HOXA3: variants seen among roughly 807,000 people sequenced by gnomAD.
HOXA3 encodes homeobox A3.
In HOXA3, 8 loss-of-function variants were observed where a neutral mutation model predicts 30.3. The ratio of observed to expected loss-of-function variants is 0.26; its 90% confidence interval spans 0.15 to 0.48. The LOEUF (loss-of-function observed/expected upper bound fraction) is 0.48, where lower values mean the gene tolerates loss of function less well. HOXA3 is among the 20% of genes least tolerant of loss of function. HOXA3 has a pLI of 0.99. For missense variants in HOXA3, 653 were observed against 614.4 expected (o/e 1.06, Z -0.66); for synonymous variants, 323 against 273.1 (o/e 1.18, Z -1.80).
rs900457862 is a variant in HOXA3 at position 27,113,865 on chromosome 7, C to G, written c.-120-3105G>C. On this transcript the variant is annotated intron_variant, in intron 4 of 5. Transcript: ENST00000612286. The surrounding 1 kb of genome is among the most constrained non-coding windows in gnomAD (Gnocchi z 4.8). ...ACTGGGGCGGCTTGGACCCCCCTCC[C>G]ACCCACCCCACCCACCCACCCCTCC... 2.0e-5 allele frequency: 3 copies of G among 150,662 alleles called. No homozygotes were observed. Among genetic ancestry groups the G allele is most frequent in the African/African-American group, 7.3e-5 (3 of 41,238 alleles). The allele number at this position is 150,662 out of a possible 1,614,324, so 9.3% of individuals were successfully genotyped here.
intron 4 of HOXA3, chr7:27,116,655 C>A (rs1784742397): frequency 6.6e-6 from 1 of 152,186 alleles, no homozygotes; most frequent in South Asian, 2.1e-4. Context: ...AAAAAGATGC[C>A]TCTAACAAAC....
rs752139189 is a variant in HOXA3 at position 27,110,518 on chromosome 7, G to A, written c.123C>T (p.Ala41=). The change falls in exon 5 of 6, where the codon GCC becomes GCT. Residue 41 remains alanine (A), a synonymous_variant. Transcript: ENST00000612286. ...AGGCGGGTCGGTGGTACTCGCCGTC[G>A]GCGCCCAAAGCGGCGGACGCCGGGT... ...QPYPASAALG[A]DGEYHRPACS... 21 of 1,605,946 alleles carry A rather than the reference G, an allele frequency of 1.3e-5. No homozygotes were observed. Among genetic ancestry groups the A allele is most frequent in the Non-Finnish European group, 1.7e-5 (20 of 1,174,492 alleles).
chr7:27,141,987 TC>T, intron 1 of HOXA3: 1 of 1,614,220 alleles, frequency 6.2e-7, no homozygotes, highest in Non-Finnish European at 8.5e-7. Context: ...CTTCTGCGGG[TC>T]AGGTAACGGT....
intron 2 of HOXA3, among the ~76,000 whole-genome samples, chr7:27,136,393 A>G (rs1785715808): frequency 6.6e-6 from 1 of 152,226 alleles, no homozygotes; most frequent in Admixed American, 6.5e-5. Context: ...CTATTTTACA[A>G]GGAAAATTTG....
At chr7:27,145,351 C>T in intron 1 of HOXA3, 1 of 418,188 alleles carries the variant, frequency 2.4e-6, no homozygotes, top group South Asian at 3.5e-5. Flanking sequence ...TCAGGGCGCA[C>T]CCCAGAACTC....
intron 2 of HOXA3, chr7:27,130,003 TG>T: frequency 8.0e-7 from 1 of 1,242,722 alleles, no homozygotes; most frequent in Non-Finnish European, 1.1e-6. Flanking sequence ...CCGGGTCAGA[TG>T]GGGGCTCCCC....
At position 27,107,820 on chromosome 7, in the gene HOXA3, G is replaced by T. The variant is rs1380134199; in HGVS notation, c.*95C>A. Reference sequence around the variant, plus strand: ...AGAGAGAAAAGGAAGGAAGGAAAGGGCAGGAAGAACCTAAAAAAAAAAAAA... The same window carrying T: ...AGAGAGAAAAGGAAGGAAGGAAAGGTCAGGAAGAACCTAAAAAAAAAAAAA... On this transcript the variant is annotated 3_prime_UTR_variant, in exon 6 of 6. Coordinates refer to ENST00000612286, the MANE Select transcript of HOXA3 (RefSeq NM_153631.3). 2.4e-6 allele frequency: 2 copies of T among 825,236 alleles called. No homozygotes were observed. Among genetic ancestry groups the T allele is most frequent in the African/African-American group, 1.9e-5 (1 of 52,198 alleles). The allele number at this position is 825,236 out of a possible 1,614,324, so 51.1% of individuals were successfully genotyped here.
intron 4 of HOXA3, 74 bp from the exon 5 acceptor site, chr7:27,110,834 G>T: frequency 1.4e-6 from 1 of 736,940 alleles, no homozygotes; most frequent in Non-Finnish European, 2.1e-6. Context: ...TAAGTGACAT[G>T]AAAGCCATAA....
rs1304015465 is a variant in HOXA3, at chr7:27,108,932, C to T, written c.527-212G>A. 6.6e-6 allele frequency among the ~76,000 whole-genome samples: 1 copy of T among 152,048 alleles called. No individual in the cohort carries two copies. The highest frequency in any genetic ancestry group is 6.6e-5 in the Admixed American group (1 of 15,266). On this transcript the variant is annotated intron_variant, in intron 5 of 5. Coordinates refer to ENST00000612286, the MANE Select transcript of HOXA3 (RefSeq NM_153631.3). The surrounding 1 kb of genome is among the most constrained non-coding windows in gnomAD (Gnocchi z 5.0). ...GCCAAGGAGCAAATCACAGCCTTCTCGGGGGAAAGGACAGAGAAGTAGAAC... is the reference window on the plus strand; with the variant it reads ...GCCAAGGAGCAAATCACAGCCTTCTTGGGGGAAAGGACAGAGAAGTAGAAC...
intron 1 of HOXA3, chr7:27,142,789 G>A (rs1442498571): frequency 3.8e-5 from 17 of 447,604 alleles, no homozygotes; most frequent in Non-Finnish European, 7.8e-6. Flanking sequence ...GGTTCCAGAG[G>A]GGTTTTTTGC....
At chr7:27,143,639 C>A in intron 1 of HOXA3, 1 of 1,559,624 alleles carries the variant, frequency 6.4e-7, no homozygotes. Context: ...TGATTTGTGG[C>A]TCGCGGTCGT....
At chr7:27,130,912 C>G in intron 2 of HOXA3, 1 of 655,866 alleles carries the variant, frequency 1.5e-6, no homozygotes, top group East Asian at 2.9e-5. Flanking sequence ...AAAGTTCGAG[C>G]CGCTCCTCCC....
At chr7:27,137,189 A>T (rs1170526569) in intron 2 of HOXA3, among the ~76,000 whole-genome samples, 1 of 152,120 alleles carries the variant, frequency 6.6e-6, no homozygotes, top group Non-Finnish European at 1.5e-5. Flanking sequence ...AATGAACAGG[A>T]CTCTGTTTTT....
At chr7:27,131,364 C>G (rs1259675705) in intron 2 of HOXA3, among the ~76,000 whole-genome samples, 1 of 152,192 alleles carries the variant, frequency 6.6e-6, no homozygotes, top group Non-Finnish European at 1.5e-5. Flanking sequence ...TTCCCCACAC[C>G]CTGCTCCTTG....
In HOXA3 at chr7:27,108,638, C is replaced by T. The variant is rs1209904776; in HGVS notation, c.609G>A (p.Leu203=). The change falls in exon 6 of 6, where the codon CTG becomes CTA. Residue 203 remains leucine (L), a synonymous_variant. Coordinates refer to ENST00000612286, the MANE Select transcript of HOXA3 (RefSeq NM_153631.3). The surrounding 1 kb of genome is among the most constrained non-coding windows in gnomAD (Gnocchi z 5.0). ...AGTGGAACTCTTTCTCCAGCTCCAC[C>T]AGCTGCGCGCTCGTGTAGGCCGTGC... ...RARTAYTSAQ[L]VELEKEFHFN... is the part of the protein sequence containing the mutation. 8 of 1,614,126 alleles carry T rather than the reference C, an allele frequency of 5.0e-6. No homozygotes were observed. The highest frequency in any genetic ancestry group is 6.8e-6 in the Non-Finnish European group (8 of 1,179,990).
rs760945917 is a variant in HOXA3 at position 27,152,344 on chromosome 7, C to T, written c.-550G>A. ...CCTCTGACAGCTGTCGCTTGGGCAG[C>T]CCGAGAGAAGAATTGTCCTCTTTCC... On this transcript the variant is annotated 5_prime_UTR_variant, in exon 1 of 6. Transcript: ENST00000612286. 8.0e-7 allele frequency: 1 copy of T among 1,246,858 alleles called. No individual in the cohort carries two copies. Among genetic ancestry groups the T allele is most frequent in the Admixed American group, 2.8e-5 (1 of 35,306 alleles). 77.2% of individuals were successfully genotyped at this position (1,246,858 alleles called of 1,614,324 possible). A position where few individuals can be genotyped will look rare whatever the true frequency, so the allele number is the denominator to read the frequency against.
chr7:27,134,320 A>G (rs1785651660), intron 2 of HOXA3: 1 of 152,230 alleles, frequency 6.6e-6, no homozygotes, highest in African/African-American at 2.4e-5. Context: ...ACTGATATTC[A>G]TATTGGGATT....
rs539083745 is a variant in HOXA3 at position 27,147,526 on chromosome 7, C to G, written c.-494+4762G>C. 3.7e-6 allele frequency: 6 copies of G among 1,614,168 alleles called. No homozygotes were observed. In the African/African-American group the frequency reaches 6.7e-5, roughly 18 times the overall value. ...CTTATCAGAATAGAAACACGAGGCC[C>G]CGTACTCGTAGGACGCCCGGTTGCA... is the stretch of plus-strand genomic sequence containing the variant. On this transcript the variant is annotated intron_variant, in intron 1 of 5. Coordinates refer to ENST00000612286, the MANE Select transcript of HOXA3 (RefSeq NM_153631.3).
chr7:27,151,164 C>T (rs992251814), intron 1 of HOXA3: 1 of 171,700 alleles, frequency 5.8e-6, no homozygotes, highest in Non-Finnish European at 1.3e-5. Context: ...AAGATATTGT[C>T]TCAAGTTGGG....
Sources: gnomAD v4.1 joint callset for allele counts (sites outside exome capture counted in the v4.1 genomes callset) on GRCh38, gnomAD v4.1.1 for gene constraint, Gnocchi (gnomAD v3.1) non-coding constraint, MANE v1.5 for transcripts, NCBI Gene and HGNC (gene_info 2026-07-23, HGNC 2026-07-21) for gene names.